Variants in SEMA6B observed in about 807,000 individuals in gnomAD.
SEMA6B encodes semaphorin-6B.
Under a neutral mutation model 78.6 loss-of-function variants are expected in SEMA6B, and 47 were observed. The observed-to-expected ratio is 0.60, with a 90% CI of 0.47 to 0.76. SEMA6B has a LOEUF of 0.76. Among genes scored for constraint, SEMA6B ranks in the 30% least tolerant of loss-of-function variants. The probability of loss-of-function intolerance (pLI) is 0.00; values close to 1 mark genes in which losing one functional copy is unlikely to be tolerated. For missense variants in SEMA6B, 1,213 were observed against 1,269.9 expected, an observed-to-expected ratio of 0.96 and a Z score of 0.68; for synonymous variants, 632 against 592.2, an observed-to-expected ratio of 1.07 and a Z score of -0.98.
rs1977438132 is a variant in SEMA6B at position 4,555,301 on chromosome 19, CGCTGAGCCTCAATCCCA to C, written c.562+156_562+172del. Among the ~76,000 whole-genome samples, 1 of 152,118 alleles carries C rather than the reference CGCTGAGCCTCAATCCCA, an allele frequency of 6.6e-6. No homozygotes were observed. The highest frequency in any genetic ancestry group is 1.5e-5 in the Non-Finnish European group (1 of 67,998). The stretch of plus-strand genomic sequence containing the variant: ...CTGACCCCGGCTAAGCCCCAAATCC[CGCTGAGCCTCAATCCCA>C]GCTGAGCCCCAAACCTGGGCTGAGA... On this transcript the variant is annotated intron_variant, in intron 7 of 16. Coordinates refer to ENST00000586582, the MANE Select transcript of SEMA6B (RefSeq NM_032108.4). This position sits in a 1 kb window ranked among gnomAD's most constrained non-coding sequence, Gnocchi z 6.1.
chr19:4,554,329 C>A, intron 9 of SEMA6B, 59 bp downstream of exon 9: 5 of 1,341,550 alleles, frequency 3.7e-6, no homozygotes, highest in South Asian at 1.2e-5. Context: ...TCCACCTCTG[C>A]CCCCTCACTT....
Position 4,544,344 on chromosome 19 carries a change from G to T in SEMA6B, c.1924C>A (p.His642Asn). 1 of 1,543,224 alleles carries T rather than the reference G, an allele frequency of 6.5e-7. No homozygotes were observed. The highest frequency in any genetic ancestry group is 8.7e-7 in the Non-Finnish European group (1 of 1,149,502). ...CTCAGCACCGCCTCGCCCGCCCCGT[G>T]CGCCAGGATGGCCTCCTTGTCCTTG... ...RRKDKEAILAHGAGEAVLSVS... is the reference protein window; with the variant it reads ...RRKDKEAILANGAGEAVLSVS... Residue 642 changes from histidine to asparagine, a missense_variant, in exon 17 of 17, where the codon CAC (histidine) becomes AAC (asparagine). His to Asn is a moderately conservative substitution (Grantham distance 68, BLOSUM62 1). Transcript: ENST00000586582. The surrounding 1 kb of genome is among the most constrained non-coding windows in gnomAD (Gnocchi z 5.1).
Position 4,542,932 on chromosome 19 carries a change from C to T in SEMA6B, c.*669G>A. On this transcript the variant is annotated 3_prime_UTR_variant, in exon 17 of 17. Transcript: ENST00000586582. ...GGGGGGTTCAAACTCCTAACCGGCA[C>T]CTCGGAGACCCCCGGGCCTTCTGGA... The T allele has an allele frequency of 1.4e-6, 1 of 700,906 alleles. No individual in the cohort carries two copies. The highest frequency in any genetic ancestry group is 1.5e-5 in the South Asian group (1 of 67,508). The allele number at this position is 700,906 out of a possible 1,614,324, so 43.4% of individuals were successfully genotyped here. A position where few individuals can be genotyped will look rare whatever the true frequency, so the allele number is the denominator to read the frequency against.
intron 5 of SEMA6B, 23 bp downstream of exon 5, chr19:4,556,928 G>A (rs1977487170): frequency 1.9e-6 from 3 of 1,607,714 alleles, no homozygotes; most frequent in African/African-American, 1.3e-5. Context: ...GCAGGGGCCG[G>A]GACCGAGCCA....
chr19:4,548,874 T>TACA (rs1304664916), intron 12 of SEMA6B, among the ~76,000 whole-genome samples: 2 of 152,166 alleles, frequency 1.3e-5, no homozygotes, highest in African/African-American at 4.8e-5. Flanking sequence ...CTCACTCTGT[T>TACA]GCCCAGGCTG....
intron 14 of SEMA6B, among the ~76,000 whole-genome samples, chr19:4,547,618 C>CTCCT (rs2145347193): frequency 6.6e-6 from 1 of 152,292 alleles, no homozygotes; most frequent in African/African-American, 2.4e-5. Flanking sequence ...CCCCTGCAGT[C>CTCCT]TCCTCCTGGC....
intron 5 of SEMA6B, 23 bp from the exon 6 acceptor site, chr19:4,556,112 C>G: frequency 6.4e-7 from 1 of 1,564,094 alleles, no homozygotes; most frequent in South Asian, 1.1e-5. Context: ...CAGGAGGAAG[C>G]GGGGAGCGCG....
intron 16 of SEMA6B, among the ~76,000 whole-genome samples, chr19:4,545,071 T>G (rs1977130297): frequency 6.6e-6 from 1 of 152,122 alleles, no homozygotes; most frequent in East Asian, 1.9e-4. Context: ...GGGCCAGGCA[T>G]GATGGCTCAC....
intron 14 of SEMA6B, among the ~76,000 whole-genome samples, chr19:4,547,676 C>G (rs1201483206): frequency 6.6e-6 from 1 of 152,176 alleles, no homozygotes; most frequent in Non-Finnish European, 1.5e-5. Context: ...GGGCCAGTCC[C>G]TCCTCTGCCT....
chr19:4,550,374 T>TTTG lies in SEMA6B; in HGVS notation c.1122-103_1122-102insCAA, dbSNP rs1555697635. The TTTG allele has an allele frequency of 3.9e-5, 48 of 1,245,808 alleles. No homozygotes were observed. Among genetic ancestry groups the TTTG allele is most frequent in the African/African-American group, 1.7e-4 (11 of 64,716 alleles). The allele number at this position is 1,245,808 out of a possible 1,614,324, so 77.2% of individuals were successfully genotyped here. On this transcript the variant is annotated intron_variant, in intron 11 of 16. Coordinates refer to ENST00000586582, the MANE Select transcript of SEMA6B (RefSeq NM_032108.4). This position sits in a 1 kb window ranked among gnomAD's most constrained non-coding sequence, Gnocchi z 6.6. ...TGCTTTGCCCAACGACCCTCAGGTT[T>TTTG]TTTGTTTGTTTTGTTTTTGAGACAG...
chr19:4,554,593 A>G (rs1293464948), intron 8 of SEMA6B, 117 bp from the exon 9 acceptor site: 9 of 757,522 alleles, frequency 1.2e-5, no homozygotes, highest in Admixed American at 2.5e-5. Context: ...CCCAGACAAT[A>G]TGAAACAGAC....
At chr19:4,546,166 C>G in intron 16 of SEMA6B, 50 bp downstream of exon 16, 1 of 1,537,746 alleles carries the variant, frequency 6.5e-7, no homozygotes, top group Non-Finnish European at 8.8e-7. Flanking sequence ...CCTCCCCTCC[C>G]CCATGGTAGT....
Position 4,550,134 on chromosome 19 carries a change from C to G in SEMA6B, c.1260G>C (p.Arg420=), listed in dbSNP as rs199600788. The change falls in exon 12 of 17, where the codon CGG becomes CGC. Residue 420 remains arginine (R), a synonymous_variant. Coordinates refer to ENST00000586582, the MANE Select transcript of SEMA6B (RefSeq NM_032108.4). This position sits in a 1 kb window ranked among gnomAD's most constrained non-coding sequence, Gnocchi z 6.6. The part of the protein sequence containing the change: ...PSLGHAPWIL[R]TLMRHQLTRV... ...TCTCCAGGACCGACCTCATCAGGGT[C>G]CGCAGGATCCAGGGCGCATGGCCCA... 21 of 1,613,750 alleles carry G rather than the reference C, an allele frequency of 1.3e-5. No homozygotes were observed. The highest frequency in any genetic ancestry group is 1.8e-5 in the Non-Finnish European group (21 of 1,180,004).
Position 4,556,092 on chromosome 19 carries a change from G to A in SEMA6B, c.370-3C>T, listed in dbSNP as rs371615921. ...TTTACGAAGTTTCGACACTCGCCCTGAGGTGGGGACAGGAGGAAGCGGGGA... is the reference window on the plus strand; with the variant it reads ...TTTACGAAGTTTCGACACTCGCCCTAAGGTGGGGACAGGAGGAAGCGGGGA... On this transcript the variant is annotated splice_polypyrimidine_tract_variant and splice_region_variant and intron_variant, in intron 5 of 16. Coordinates refer to ENST00000586582, the MANE Select transcript of SEMA6B (RefSeq NM_032108.4). 32 of 1,610,578 alleles carry A rather than the reference G, an allele frequency of 2.0e-5. No homozygotes were observed. Among genetic ancestry groups the A allele is most frequent in the Non-Finnish European group, 2.6e-5 (31 of 1,177,028 alleles).
chr19:4,556,922 G>A, intron 5 of SEMA6B, 29 bp downstream of exon 5: 1 of 1,603,914 alleles, frequency 6.2e-7, no homozygotes, highest in South Asian at 1.1e-5. Flanking sequence ...TGATTCGCAG[G>A]GGCCGGGACC....
At chr19:4,556,331 T>C (rs1259774394) in intron 5 of SEMA6B, among the ~76,000 whole-genome samples, 1 of 152,028 alleles carries the variant, frequency 6.6e-6, no homozygotes, top group Non-Finnish European at 1.5e-5. Context: ...ACCATGGCAA[T>C]AGCAGAGTCC....
Position 4,554,903 on chromosome 19 carries a change from TGGTG to T in SEMA6B, c.682+69_682+72del, listed in dbSNP as rs1038714120. 7.6e-5 allele frequency: 117 copies of T among 1,547,362 alleles called. No individual in the cohort carries two copies. In the African/African-American group the frequency reaches 1.5e-3, roughly 20 times the overall value. ...CCAAGCTCCTCTGGGACTCTTATTC[TGGTG>T]GGGAGATTTGATGAATGTCAGGTTC... On this transcript the variant is annotated intron_variant, in intron 8 of 16. Transcript: ENST00000586582.
Position 4,542,975 on chromosome 19 carries a change from A to G in SEMA6B, c.*626T>C. 1 of 699,868 alleles carries G rather than the reference A, an allele frequency of 1.4e-6. No individual in the cohort carries two copies. Among genetic ancestry groups the G allele is most frequent in the Non-Finnish European group, 2.6e-6 (1 of 384,204 alleles). 43.4% of individuals were successfully genotyped at this position (699,868 alleles called of 1,614,324 possible). A position where few individuals can be genotyped will look rare whatever the true frequency, so the allele number is the denominator to read the frequency against. ...CTTCTGGAAGCCCCAGCGTCGGCTC[A>G]GCCAACGCCCAGGCCGCTGGGGCCA... On this transcript the variant is annotated 3_prime_UTR_variant, in exon 17 of 17. Coordinates refer to ENST00000586582, the MANE Select transcript of SEMA6B (RefSeq NM_032108.4).
intron 16 of SEMA6B, 88 bp downstream of exon 16, chr19:4,546,128 G>A (rs1977157438): frequency 2.2e-6 from 3 of 1,333,888 alleles, no homozygotes; most frequent in Middle Eastern, 5.3e-4. Context: ...CCACCTCCCA[G>A]AGGATTCGAG....
Sources: gnomAD v4.1 joint callset for allele counts (sites outside exome capture counted in the v4.1 genomes callset) on GRCh38, gnomAD v4.1.1 for gene constraint, Gnocchi (gnomAD v3.1) non-coding constraint, MANE v1.5 for transcripts, NCBI Gene and HGNC (gene_info 2026-07-23, HGNC 2026-07-21) for gene names.